MYO18B: variants seen among roughly 807,000 people sequenced by gnomAD.
MYO18B encodes unconventional myosin-XVIIIb.
A neutral mutation model predicts 273.0 loss-of-function variants in MYO18B; 204 were observed. That is an observed-to-expected ratio of 0.75 (90% confidence interval 0.67 to 0.84). The LOEUF (loss-of-function observed/expected upper bound fraction) is 0.84, where lower values mean the gene tolerates loss of function less well. MYO18B is among the 40% of genes least tolerant of loss of function. The probability of loss-of-function intolerance (pLI) is 0.00; values close to 1 mark genes in which losing one functional copy is unlikely to be tolerated. For synonymous variants in MYO18B, 1,330 were observed against 1,305.7 expected, an observed-to-expected ratio of 1.02 and a Z score of -0.40; for missense variants, 3,212 against 3,287.6, an observed-to-expected ratio of 0.98 and a Z score of 0.56.
chr22:25,890,618 C>A, intron 25 of MYO18B, 138 bp from the exon 26 acceptor site: 1 of 1,263,928 alleles, frequency 7.9e-7, no homozygotes, highest in Non-Finnish European at 1.1e-6. Context: ...GAAGTCCATC[C>A]TCTTAACGAG....
intron 39 of MYO18B, among the ~76,000 whole-genome samples, chr22:25,976,899 G>C (rs927127318): frequency 2.0e-5 from 3 of 152,174 alleles, no homozygotes; most frequent in Admixed American, 1.3e-4. Context: ...ACGAGGTGAC[G>C]GGATATGCCT....
At chr22:25,994,502 G>C (rs1933021564) in intron 40 of MYO18B, among the ~76,000 whole-genome samples, 1 of 149,686 alleles carries the variant, frequency 6.7e-6, no homozygotes, top group Non-Finnish European at 1.5e-5. Flanking sequence ...AAAAGTTCAT[G>C]TTTTGCCTGT....
At position 25,903,011 on chromosome 22, in the gene MYO18B, A is replaced by G. The variant is rs866613721; in HGVS notation, c.4947+275A>G. On this transcript the variant is annotated intron_variant, in intron 30 of 43. Coordinates refer to ENST00000335473, the MANE Select transcript of MYO18B (RefSeq NM_032608.7). ...CTGGGAGGTATAACAGGCTCAGCAG[A>G]GAATGAGTTAGCTATAACCTTGTCC... 4.0e-5 allele frequency: 15 copies of G among 372,628 alleles called. No homozygotes were observed. The Middle Eastern group carries it at 2.5e-3, about 63-fold the overall frequency. The allele number at this position is 372,628 out of a possible 1,614,324, so 23.1% of individuals were successfully genotyped here.
At chr22:25,857,988 T>G (rs2090623365) in intron 21 of MYO18B, among the ~76,000 whole-genome samples, 2 of 152,270 alleles carry the variant, frequency 1.3e-5, no homozygotes, top group Admixed American at 1.3e-4. Flanking sequence ...TTACATGTTT[T>G]CCACTCAATT....
the MYO18B span, among the ~76,000 whole-genome samples, chr22:26,038,973 C>T: frequency 6.6e-6 from 1 of 152,186 alleles, no homozygotes; most frequent in Non-Finnish European, 1.5e-5. Flanking sequence ...ACTTTGTAAG[C>T]ACCCATAAAT....
chr22:25,858,261 T>C (rs961005897), intron 21 of MYO18B, among the ~76,000 whole-genome samples: 3 of 152,234 alleles, frequency 2.0e-5, no homozygotes, highest in African/African-American at 7.2e-5. Context: ...ACTTGATAGC[T>C]GTATGACCAT....
intron 34 of MYO18B, among the ~76,000 whole-genome samples, chr22:25,934,974 GGGTGTGTGCACACACGC>G (rs778790303): frequency 8.1e-4 from 124 of 152,282 alleles, no homozygotes; most frequent in Non-Finnish European, 1.4e-3. Flanking sequence ...AGGCTCGTGT[GGGTGTGTGCACACACGC>G]GGTGTGTTTT....
In MYO18B at chr22:25,992,421, C is replaced by T. The variant is rs746892499; in HGVS notation, c.6215C>T (p.Thr2072Ile). ...CAAACCCTCCAGACAGACCTGGAGA[C>T]ATCCATTCGGCGGATTGCCGACCTG... The part of the protein sequence containing the change: ...VRQTLQTDLE[T>I]SIRRIADLQA... The change falls in exon 40 of 44, where the codon ACA becomes ATA. Residue 2072 changes from threonine to isoleucine, a missense_variant. Thr to Ile is a moderately conservative substitution (Grantham distance 89, BLOSUM62 -1). Coordinates refer to ENST00000335473, the MANE Select transcript of MYO18B (RefSeq NM_032608.7). The T allele has an allele frequency of 1.5e-5, 24 of 1,614,020 alleles. No individual in the cohort carries two copies. In the East Asian group the frequency reaches 4.9e-4, roughly 33 times the overall value.
chr22:25,874,160 A>T, intron 22 of MYO18B, 126 bp from the exon 23 acceptor site: 1 of 1,181,686 alleles, frequency 8.5e-7, no homozygotes, highest in Non-Finnish European at 1.2e-6. Flanking sequence ...CCTCCCACTT[A>T]AAGGGCAACT....
chr22:25,872,384 A>G (rs1018383070), intron 22 of MYO18B, among the ~76,000 whole-genome samples: 2 of 152,202 alleles, frequency 1.3e-5, no homozygotes, highest in South Asian at 2.1e-4. Flanking sequence ...GACATTGAGA[A>G]TGGGTGCAGG....
At chr22:25,868,239 G>A in intron 21 of MYO18B, 81 bp from the exon 22 acceptor site, 1 of 1,203,104 alleles carries the variant, frequency 8.3e-7, no homozygotes, top group Non-Finnish European at 1.2e-6. Context: ...TGGCGCATCA[G>A]CCATCGAGCC....
At chr22:25,950,748 T>C (rs548644168) in intron 37 of MYO18B, among the ~76,000 whole-genome samples, 46 of 152,220 alleles carry the variant, frequency 3.0e-4, no homozygotes, top group African/African-American at 1.1e-3. Context: ...ATTTTTGTTT[T>C]TTAAGTAGAG....
intron 39 of MYO18B, among the ~76,000 whole-genome samples, chr22:25,982,369 C>T (rs189173718): frequency 3.3e-4 from 51 of 152,330 alleles, no homozygotes; most frequent in Admixed American, 2.1e-3. Flanking sequence ...AGCCTGCAGA[C>T]AACCAAAGCC....
At chr22:25,967,500 C>G (rs901642394) in intron 39 of MYO18B, among the ~76,000 whole-genome samples, 1 of 152,016 alleles carries the variant, frequency 6.6e-6, no homozygotes, top group Non-Finnish European at 1.5e-5. Flanking sequence ...TTTTACTGTT[C>G]TTTTTTGACA....
At chr22:25,994,105 C>A (rs1308084209) in intron 40 of MYO18B, among the ~76,000 whole-genome samples, 1 of 152,150 alleles carries the variant, frequency 6.6e-6, no homozygotes, top group East Asian at 1.9e-4. Context: ...GGATTTGTAA[C>A]CTCAGACTCT....
At chr22:26,037,838 G>A in the MYO18B span, among the ~76,000 whole-genome samples, 1 of 152,154 alleles carries the variant, frequency 6.6e-6, no homozygotes, top group African/African-American at 2.4e-5. Context: ...TGTTTCACTG[G>A]GTGTCTCATT....
intron 9 of MYO18B, 64 bp downstream of exon 9, chr22:25,780,262 TC>T: frequency 6.5e-7 from 1 of 1,526,828 alleles, no homozygotes; most frequent in Non-Finnish European, 8.8e-7. Context: ...ACCCCGGGAC[TC>T]AGCAGAGCCC....
chr22:25,923,415 G>T (rs892739270), intron 34 of MYO18B, among the ~76,000 whole-genome samples: 1 of 152,174 alleles, frequency 6.6e-6, no homozygotes, highest in Non-Finnish European at 1.5e-5. Context: ...GTGCTTGAAC[G>T]CATTGCCCTG....
chr22:26,024,249 C>T (rs1936071440), intron 42 of MYO18B, among the ~76,000 whole-genome samples: 1 of 152,304 alleles, frequency 6.6e-6, no homozygotes, highest in East Asian at 1.9e-4. Flanking sequence ...TTCATCATAA[C>T]CACTAACCAT....
Sources: gnomAD v4.1 joint callset for allele counts (sites outside exome capture counted in the v4.1 genomes callset) on GRCh38, gnomAD v4.1.1 for gene constraint, MANE v1.5 for transcripts, NCBI Gene and HGNC (gene_info 2026-07-23, HGNC 2026-07-21) for gene names.